TANGO6: variants seen among roughly 807,000 people sequenced by gnomAD.
TANGO6 encodes transport and golgi organization 6 homolog.
In TANGO6, 90 loss-of-function variants were observed where a neutral mutation model predicts 114.2. The observed-to-expected ratio is 0.79, with a 90% confidence interval of 0.66 to 0.94. The LOEUF is 0.94. TANGO6 is among the 40% of genes least tolerant of loss of function. The probability of loss-of-function intolerance (pLI) is 0.00; values close to 1 mark genes in which losing one functional copy is unlikely to be tolerated. For synonymous variants in TANGO6, 477 were observed against 509.8 expected, an observed-to-expected ratio of 0.94 and a Z score of 0.87; for missense variants, 1,274 against 1,315.3, an observed-to-expected ratio of 0.97 and a Z score of 0.49.
chr16:69,042,585 T>C (rs1959791115), intron 17 of TANGO6, among the ~76,000 whole-genome samples: 1 of 152,146 alleles, frequency 6.6e-6, no homozygotes, highest in African/African-American at 2.4e-5. Flanking sequence ...ACAGACTTGC[T>C]CATTAACTTG....
Position 68,861,384 on chromosome 16 carries a change from T to A in TANGO6, c.735+860T>A, listed in dbSNP as rs916821533. ...CATCGTTGTCGTTGTTCCTTTTCTC[T>A]TCTCTCTCCTGCCTACATTCATAAA... On this transcript the variant is annotated intron_variant, in intron 2 of 17. Transcript: ENST00000261778. Among the ~76,000 whole-genome samples the A allele has an allele frequency of 2.0e-5, 3 of 152,210 alleles. 1 individual carries two copies. Among genetic ancestry groups the A allele is most frequent in the Non-Finnish European group, 2.9e-5 (2 of 68,026 alleles).
Position 68,902,392 on chromosome 16 carries a change from A to G in TANGO6, c.1555A>G (p.Ser519Gly). The G allele has an allele frequency of 1.2e-6, 2 of 1,613,852 alleles. No homozygotes were observed. Among genetic ancestry groups the G allele is most frequent in the Non-Finnish European group, 1.7e-6 (2 of 1,179,806 alleles). The change falls in exon 9 of 18, where the codon AGC becomes GGC. Residue 519 changes from serine (S) to glycine (G), a missense_variant. This residue lies in a region of TANGO6 where 908 missense variants were observed against 910.2 expected (regional missense o/e 1.00). Transcript: ENST00000261778. Reference protein sequence around the residue: ...GKLERKKAIASLKGFAGLDKA... With the variant: ...GKLERKKAIAGLKGFAGLDKA... ...GCTGGAAAGGAAGAAGGCAATTGCC[A>G]GCCTGAAAGGATTTGCAGGGTTGGA... is the stretch of plus-strand genomic sequence containing the variant.
chr16:68,871,123 A>G (rs1962261352), intron 4 of TANGO6, among the ~76,000 whole-genome samples: 1 of 151,982 alleles, frequency 6.6e-6, no homozygotes, highest in Non-Finnish European at 1.5e-5. Flanking sequence ...TGTTTGTCTG[A>G]AAAAGTCTAG....
Position 69,017,901 on chromosome 16 carries a change from C to CT in TANGO6, c.2843-4910dup, listed in dbSNP as rs1018228039. On this transcript the variant is annotated intron_variant, in intron 15 of 17. Coordinates refer to ENST00000261778, the MANE Select transcript of TANGO6 (RefSeq NM_024562.2). ...GTATATTTTAGTCTTAGTTGGAAAT[C>CT]TTTTTTTTTTTTTTTTTGAGAGACA... is the stretch of plus-strand genomic sequence containing the variant. 3.5e-3 allele frequency among the ~76,000 whole-genome samples: 484 copies of CT among 137,220 alleles called. 3 individuals are homozygous for CT. Among genetic ancestry groups the CT allele is most frequent in the East Asian group, 0.023 (106 of 4,694 alleles). The allele number at this position is 137,220 out of a possible 152,430, so 90.0% of individuals were successfully genotyped here. A position where few individuals can be genotyped will look rare whatever the true frequency, so the allele number is the denominator to read the frequency against.
chr16:68,918,787 T>G (rs550592535), intron 11 of TANGO6, among the ~76,000 whole-genome samples: 1 of 152,210 alleles, frequency 6.6e-6, no homozygotes, highest in Non-Finnish European at 1.5e-5. Flanking sequence ...GCTGAACATG[T>G]GGAGATGCTG....
rs762201300 is a variant in TANGO6 at position 68,862,861 on chromosome 16, A to G, written c.736-84A>G. ...CCTTCTTTCCGCTCCTCTCACAAGT[A>G]TCTCTGTACAGTGTTGTAAAACTTT... On this transcript the variant is annotated intron_variant, in intron 2 of 17. Transcript: ENST00000261778. 8.0e-6 allele frequency: 7 copies of G among 877,856 alleles called. No homozygotes were observed. In the South Asian group the frequency reaches 8.5e-5, roughly 11 times the overall value. The allele number at this position is 877,856 out of a possible 1,614,324, so 54.4% of individuals were successfully genotyped here.
chr16:68,856,478 C>T (rs1961995608), intron 1 of TANGO6, among the ~76,000 whole-genome samples: 1 of 152,156 alleles, frequency 6.6e-6, no homozygotes, highest in South Asian at 2.1e-4. Context: ...TATATCACTG[C>T]ATTTGATTTG....
At chr16:68,982,968 G>C (rs1459741882) in intron 15 of TANGO6, among the ~76,000 whole-genome samples, 1 of 150,844 alleles carries the variant, frequency 6.6e-6, no homozygotes, top group African/African-American at 2.4e-5. Flanking sequence ...TTAAATACTT[G>C]GTTGCTCCTG....
In TANGO6 at chr16:68,975,689, C is replaced by T. The variant is rs186335556; in HGVS notation, c.2842+1521C>T. 6.5e-4 allele frequency among the ~76,000 whole-genome samples: 99 copies of T among 152,086 alleles called. 1 individual carries two copies. Among genetic ancestry groups the T allele is most frequent in the Admixed American group, 2.4e-3 (37 of 15,258 alleles). ...CCTCCCTCCTCAGCCTCCCACATAG[C>T]TGGGACTACAGGCATATGCCACCAT... On this transcript the variant is annotated intron_variant, in intron 15 of 17. Coordinates refer to ENST00000261778, the MANE Select transcript of TANGO6 (RefSeq NM_024562.2).
chr16:68,864,245 T>C (rs1008191795), intron 3 of TANGO6, among the ~76,000 whole-genome samples: 1 of 151,908 alleles, frequency 6.6e-6, no homozygotes, highest in African/African-American at 2.4e-5. Flanking sequence ...TTGCTTTTAG[T>C]ACCTACATTT....
At chr16:69,003,060 T>C (rs1964058313) in intron 15 of TANGO6, among the ~76,000 whole-genome samples, 1 of 151,984 alleles carries the variant, frequency 6.6e-6, no homozygotes, top group African/African-American at 2.4e-5. Flanking sequence ...AAAGAAAGTT[T>C]TTAAATCTTT....
At chr16:69,018,505 T>A (rs539541173) in intron 15 of TANGO6, among the ~76,000 whole-genome samples, 1 of 151,996 alleles carries the variant, frequency 6.6e-6, no homozygotes, top group South Asian at 2.1e-4. Context: ...TCATAGGAAT[T>A]AAGTATCAGA....
In TANGO6 at chr16:68,866,236, T is replaced by C. The variant is rs114648568; in HGVS notation, c.853-843T>C. Among the ~76,000 whole-genome samples, 1,046 of 152,222 alleles carry C rather than the reference T, an allele frequency of 6.9e-3. 15 individuals are homozygous for C. Among genetic ancestry groups the C allele is most frequent in the African/African-American group, 0.024 (988 of 41,554 alleles). ...TCTTAAAAGTAATGCAGAAGAAGGTTTTGTAAAGTTTTTTTTTTTTTTAAG... is the reference window on the plus strand; with the variant it reads ...TCTTAAAAGTAATGCAGAAGAAGGTCTTGTAAAGTTTTTTTTTTTTTTAAG... On this transcript the variant is annotated intron_variant, in intron 3 of 17. Transcript: ENST00000261778.
At chr16:69,081,022 C>G (rs1440349590) in intron 17 of TANGO6, among the ~76,000 whole-genome samples, 1 of 152,088 alleles carries the variant, frequency 6.6e-6, no homozygotes, top group Non-Finnish European at 1.5e-5. Context: ...CCTGTAGTCC[C>G]AGCTACTCGG....
intron 7 of TANGO6, among the ~76,000 whole-genome samples, chr16:68,897,731 AC>A (rs1464105092): frequency 1.3e-5 from 2 of 152,014 alleles, no homozygotes; most frequent in African/African-American, 4.8e-5. Context: ...GGCATGTGCC[AC>A]CATGCACTGC....
chr16:69,058,191 C>T (rs773354941), intron 17 of TANGO6, among the ~76,000 whole-genome samples: 7 of 152,136 alleles, frequency 4.6e-5, no homozygotes, highest in Admixed American at 6.6e-5. Flanking sequence ...CTTGGGGTGA[C>T]GCGAAATGAC....
chr16:69,034,051 T>C (rs1959646937), intron 16 of TANGO6: 1 of 153,024 alleles, frequency 6.5e-6, no homozygotes, highest in Admixed American at 6.5e-5. Context: ...GGGACTATGA[T>C]GGCCACATCA....
chr16:68,996,321 A>G (rs771406943), intron 15 of TANGO6, among the ~76,000 whole-genome samples: 4 of 152,196 alleles, frequency 2.6e-5, no homozygotes, highest in African/African-American at 7.2e-5. Flanking sequence ...ATGTCAATCT[A>G]ATTTCCTTTG....
chr16:69,059,282 G>A (rs914470204), intron 17 of TANGO6, among the ~76,000 whole-genome samples: 2 of 151,932 alleles, frequency 1.3e-5, no homozygotes, highest in African/African-American at 4.8e-5. Context: ...ATATTGGCCA[G>A]GCTGGTCTCG....
Sources: gnomAD v4.1 joint callset for allele counts (sites outside exome capture counted in the v4.1 genomes callset) on GRCh38, gnomAD v4.1.1 for gene constraint, gnomAD v4.1.1 regional missense constraint, MANE v1.5 for transcripts, NCBI Gene and HGNC (gene_info 2026-07-23, HGNC 2026-07-21) for gene names.